The following XK variants were observed in gnomAD, a reference collection of about 807,000 sequenced individuals.
XK encodes the protein endoplasmic reticulum membrane adapter protein XK.
In XK, 2 loss-of-function variants were observed where a neutral mutation model predicts 14.0. That is an observed-to-expected ratio of 0.14 (90% CI 0.06 to 0.45). XK has a LOEUF of 0.45. Among genes scored for constraint, XK ranks in the 20% least tolerant of loss-of-function variants. The probability of loss-of-function intolerance (pLI) is 0.98; values close to 1 mark genes in which losing one functional copy is unlikely to be tolerated. For synonymous variants in XK, 149 were observed against 147.5 expected (o/e 1.01, Z -0.08); for missense variants, 235 against 341.5 (o/e 0.69, Z 2.46).
intron 2 of XK, among the ~76,000 whole-genome samples, chrX:37,710,670 A>G (rs1374090513): frequency 8.9e-6 from 1 of 111,831 alleles, no homozygotes; most frequent in Admixed American, 9.5e-5. Context: ...TAAATAAAAG[A>G]GAACCAACAA....
rs781994109 is a variant in XK at position 37,727,617 on chromosome X, C to A, written c.509-19C>A. ...CTAGTGGAGGTGAGACTTGATGATA[C>A]TCTCTCTTTTCTCCCCAGGTCTCCT... On this transcript the variant is annotated intron_variant, in intron 2 of 2. Coordinates refer to ENST00000378616, the MANE Select transcript of XK (RefSeq NM_021083.4). 1.7e-6 allele frequency: 2 copies of A among 1,183,645 alleles called. No homozygotes were observed. Among genetic ancestry groups the A allele is most frequent in the South Asian group, 3.6e-5 (2 of 56,062 alleles).
chrX:37,713,066 A>G (rs1259956024), intron 2 of XK, among the ~76,000 whole-genome samples: 3 of 111,480 alleles, frequency 2.7e-5, no homozygotes, highest in African/African-American at 9.8e-5. Flanking sequence ...GTATTTCTGC[A>G]TAATAAACCA....
rs782008016 is a variant in XK at position 37,690,488 on chromosome X, C to A, written c.246-3798C>A. 6.2e-5 allele frequency among the ~76,000 whole-genome samples: 7 copies of A among 112,250 alleles called. No homozygotes were observed. In the South Asian group the frequency reaches 2.2e-3, roughly 36 times the overall value. On this transcript the variant is annotated intron_variant, in intron 1 of 2. Coordinates refer to ENST00000378616, the MANE Select transcript of XK (RefSeq NM_021083.4). ...ATGATTTCAGCTAAGGAATAAGCTC[C>A]TTCTGCTATGATACTTGAAAAGTGG... is the stretch of plus-strand genomic sequence containing the variant.
At chrX:37,714,439 T>C (rs1387778148) in intron 2 of XK, among the ~76,000 whole-genome samples, 10 of 111,336 alleles carry the variant, frequency 9.0e-5, no homozygotes, top group African/African-American at 3.3e-4. Flanking sequence ...TCTTCTTCTT[T>C]CAGAATTTTC....
In XK at chrX:37,686,132, C is replaced by G. The variant is rs1367105998; in HGVS notation, c.171C>G (p.Phe57Leu). ...PCALVQLTLL[F>L]VHRDLSRDRP... is the part of the protein sequence containing the mutation. ...CGCTCGTGCAGCTCACGCTTCTCTT[C>G]GTACACCGCGACCTCAGCCGCGACC... The change falls in exon 1 of 3, where the codon TTC becomes TTG. Residue 57 changes from phenylalanine to leucine, a missense_variant. By Grantham distance (22) the Phe-to-Leu change is conservative. Transcript: ENST00000378616. The G allele has an allele frequency of 5.0e-6, 6 of 1,209,613 alleles. No homozygotes were observed. The African/African-American group carries it at 8.7e-5, about 17-fold the overall frequency.
At position 37,709,892 on chromosome X, in the gene XK, G is replaced by C. The variant is rs143474885; in HGVS notation, c.508+15344G>C. Among the ~76,000 whole-genome samples the C allele has an allele frequency of 1.3e-3, 149 of 111,830 alleles. 2 individuals carry two copies. Among genetic ancestry groups the C allele is most frequent in the African/African-American group, 4.5e-3 (140 of 30,848 alleles). On this transcript the variant is annotated intron_variant, in intron 2 of 2. Transcript: ENST00000378616. ...ATAGACATACAGATAGAGAGAAATAGAGTTTGTAGCTTCAATTCTTCAATT... is the reference window on the plus strand; with the variant it reads ...ATAGACATACAGATAGAGAGAAATACAGTTTGTAGCTTCAATTCTTCAATT...
At chrX:37,691,214 C>T (rs145642460) in intron 1 of XK, among the ~76,000 whole-genome samples, 2,358 of 112,488 alleles carry the variant, frequency 0.021, 126 homozygotes, top group Admixed American at 0.16. Flanking sequence ...CCCCTTCCTT[C>T]GCATCAAGAA....
Position 37,685,872 on chromosome X carries a change from G to A in XK, c.-90G>A, listed in dbSNP as rs1927049832. 4 of 1,062,151 alleles carry A rather than the reference G, an allele frequency of 3.8e-6. No homozygotes were observed. The highest frequency in any genetic ancestry group is 5.1e-6 in the Non-Finnish European group (4 of 791,876). The allele number at this position is 1,062,151 out of a possible 1,213,427, so 87.5% of individuals were successfully genotyped here. On this transcript the variant is annotated 5_prime_UTR_variant, in exon 1 of 3. Transcript: ENST00000378616. ...GGAGCGGTTTGGGGCTGGGCATGCT[G>A]GGAGCCCCTCGGGCAACGGCCGCCG...
chrX:37,697,912 C>T (rs1480639176), intron 2 of XK, among the ~76,000 whole-genome samples: 1 of 112,129 alleles, frequency 8.9e-6, no homozygotes, highest in Admixed American at 9.4e-5. Context: ...TCAGTGGAAT[C>T]ATATGCTATT....
At chrX:37,707,405 C>A (rs1462225548) in intron 2 of XK, among the ~76,000 whole-genome samples, 1 of 108,385 alleles carries the variant, frequency 9.2e-6, no homozygotes, top group Non-Finnish European at 1.9e-5. Flanking sequence ...CCTCACTTCT[C>A]AGACAGGGTG....
intron 2 of XK, among the ~76,000 whole-genome samples, chrX:37,718,747 A>G (rs1471151171): frequency 1.8e-5 from 2 of 111,707 alleles, no homozygotes; most frequent in African/African-American, 6.5e-5. Flanking sequence ...ACTTTTTGTG[A>G]TGGAGTAGAT....
intron 2 of XK, among the ~76,000 whole-genome samples, chrX:37,722,724 A>C (rs995018745): frequency 7.1e-5 from 8 of 111,893 alleles, no homozygotes; most frequent in African/African-American, 2.3e-4. Context: ...GTCTACAGAG[A>C]GTAATCATAA....
At chrX:37,692,157 A>G (rs1556441510) in intron 1 of XK, among the ~76,000 whole-genome samples, 1 of 111,385 alleles carries the variant, frequency 9.0e-6, no homozygotes, top group Non-Finnish European at 1.9e-5. Flanking sequence ...TATGATTTAA[A>G]TTGTTGCAAT....
rs782314287 is a variant in XK at position 37,686,082 on chromosome X, T to C, written c.121T>C (p.Leu41=). ...GGDRMWQALT[L]LFSLLPCALV... Reference sequence around the variant, plus strand: ...GGACCGCATGTGGCAGGCGCTGACGTTGCTTTTCTCGCTACTGCCTTGCGC... The same window carrying C: ...GGACCGCATGTGGCAGGCGCTGACGCTGCTTTTCTCGCTACTGCCTTGCGC... Residue 41 remains leucine (L), a synonymous_variant, in exon 1 of 3, where the codon TTG becomes CTG. Coordinates refer to ENST00000378616, the MANE Select transcript of XK (RefSeq NM_021083.4). 3 of 1,211,927 alleles carry C rather than the reference T, an allele frequency of 2.5e-6. No homozygotes were observed. The highest frequency in any genetic ancestry group is 3.3e-6 in the Non-Finnish European group (3 of 895,537).
rs372070137 is a variant in XK, at chrX:37,706,440, G to A, written c.508+11892G>A. ...CTACTTTTAGGATAGGATTACATAG[G>A]TAATATTTTAGGCTAAATTATGACC... On this transcript the variant is annotated intron_variant, in intron 2 of 2. Coordinates refer to ENST00000378616, the MANE Select transcript of XK (RefSeq NM_021083.4). Among the ~76,000 whole-genome samples, 293 of 110,355 alleles carry A rather than the reference G, an allele frequency of 2.7e-3. 1 individual carries two copies. The highest frequency in any genetic ancestry group is 9.3e-3 in the African/African-American group (282 of 30,348).
At chrX:37,707,134 A>G (rs1556445354) in intron 2 of XK, among the ~76,000 whole-genome samples, 2 of 112,412 alleles carry the variant, frequency 1.8e-5, no homozygotes, top group Non-Finnish European at 1.9e-5. Flanking sequence ...CCCGTTCTCA[A>G]TGAGCTGTTG....
At chrX:37,708,292 A>G (rs1556445919) in intron 2 of XK, among the ~76,000 whole-genome samples, 1 of 111,818 alleles carries the variant, frequency 8.9e-6, no homozygotes, top group African/African-American at 3.3e-5. Flanking sequence ...ACGGAGGAAG[A>G]AGACAATGTG....
rs1556451155 is a variant in XK, at chrX:37,731,427, T to C, written c.*2965T>C. The C allele has an allele frequency of 8.9e-6, 1 of 112,094 alleles. No homozygotes were observed. The allele number at this position is 112,094 out of a possible 1,213,427, so 9.2% of individuals were successfully genotyped here. A position where few individuals can be genotyped will look rare whatever the true frequency, so the allele number is the denominator to read the frequency against. ...CTGTCCAGCACTACAACTTAATTGC[T>C]CTATGCCTCAGTTTCCCCATAATAC... On this transcript the variant is annotated 3_prime_UTR_variant, in exon 3 of 3. Transcript: ENST00000378616.
chrX:37,708,280 T>C (rs1327108092), intron 2 of XK, among the ~76,000 whole-genome samples: 1 of 111,380 alleles, frequency 9.0e-6, no homozygotes, highest in East Asian at 2.8e-4. Flanking sequence ...GCAGGCTTGA[T>C]CACGGAGGAA....
Sources: gnomAD v4.1 joint callset for allele counts (sites outside exome capture counted in the v4.1 genomes callset) on GRCh38, gnomAD v4.1.1 for gene constraint, MANE v1.5 for transcripts, NCBI Gene and HGNC (gene_info 2026-07-23, HGNC 2026-07-21) for gene names.